Variants in ABLIM2 observed in about 807,000 individuals in gnomAD.
ABLIM2 encodes the protein actin binding LIM protein family member 2.
A neutral mutation model predicts 97.7 loss-of-function variants in ABLIM2; 53 were observed. The observed-to-expected ratio is 0.54, with a 90% CI of 0.44 to 0.68. The LOEUF is 0.68. Among genes scored for constraint, ABLIM2 ranks in the 30% least tolerant of loss-of-function variants. ABLIM2 has a pLI of 0.00. For missense variants in ABLIM2, 835 were observed against 867.2 expected (o/e 0.96, Z 0.47); for synonymous variants, 361 against 345.8 (o/e 1.04, Z -0.49).
intron 5 of ABLIM2, 105 bp downstream of exon 5, chr4:8,080,571 A>C: frequency 2.3e-6 from 3 of 1,283,820 alleles, no homozygotes; most frequent in Non-Finnish European, 3.1e-6. Context: ...GAGGAATAGG[A>C]GAGACACAGA....
chr4:8,063,824 C>T (rs551822373), intron 6 of ABLIM2, among the ~76,000 whole-genome samples: 4 of 152,342 alleles, frequency 2.6e-5, no homozygotes, highest in African/African-American at 7.2e-5. Context: ...TCCAAATACC[C>T]CCCTTGCCTT....
intron 7 of ABLIM2, among the ~76,000 whole-genome samples, chr4:8,056,114 A>T (rs1798955388): frequency 2.0e-5 from 1 of 50,988 alleles, no homozygotes; most frequent in Non-Finnish European, 4.5e-5. Flanking sequence ...CTCTGTCTCA[A>T]AAAAAAAAAA....
At position 8,020,275 on chromosome 4, in the gene ABLIM2, G is replaced by A; in HGVS notation, c.1296C>T (p.Ser432=). The change falls in exon 13 of 21, where the codon AGC becomes AGT. Residue 432 remains serine, a synonymous_variant. Transcript: ENST00000447017. ...RGSESGRSTP[S]LSVLSDSKPP... is the part of the protein sequence containing the mutation. ...GCTTGCTGTCAGAGAGCACGGAGAG[G>A]CTGGGGGTGCTCCGGCCACTTTCAC... The A allele has an allele frequency of 6.2e-7, 1 of 1,613,856 alleles. No individual in the cohort carries two copies. Among genetic ancestry groups the A allele is most frequent in the Non-Finnish European group, 8.5e-7 (1 of 1,179,874 alleles).
At chr4:8,073,969 C>T (rs1053156897) in intron 6 of ABLIM2, among the ~76,000 whole-genome samples, 2 of 151,836 alleles carry the variant, frequency 1.3e-5, no homozygotes, top group Non-Finnish European at 2.9e-5. Flanking sequence ...CGCCTGTAAT[C>T]CCAGCTACTT....
In ABLIM2 at chr4:8,004,765, G is replaced by T. The variant is rs1343048361; in HGVS notation, c.1618+3294C>A. On this transcript the variant is annotated intron_variant, in intron 16 of 20. Transcript: ENST00000447017. This position sits in a 1 kb window ranked among gnomAD's most constrained non-coding sequence, Gnocchi z 5.9. ...AGCCTCCCTTCCTGTGCAGAAATCAGGTGCACTGATAATATAAACTACTCT... is the reference window on the plus strand; with the variant it reads ...AGCCTCCCTTCCTGTGCAGAAATCATGTGCACTGATAATATAAACTACTCT... Among the ~76,000 whole-genome samples the T allele has an allele frequency of 6.6e-6, 1 of 152,134 alleles. No homozygotes were observed. The highest frequency in any genetic ancestry group is 1.5e-5 in the Non-Finnish European group (1 of 68,036).
intron 12 of ABLIM2, 65 bp downstream of exon 12, chr4:8,027,694 G>A (rs1778277530): frequency 4.6e-6 from 6 of 1,310,540 alleles, no homozygotes; most frequent in South Asian, 3.3e-5. Context: ...CATGGACAGC[G>A]AGCACACAGA....
At chr4:7,978,717 C>A (rs1735625223) in intron 20 of ABLIM2, among the ~76,000 whole-genome samples, 1 of 144,142 alleles carries the variant, frequency 6.9e-6, no homozygotes. Flanking sequence ...CCAGTGATAA[C>A]CATTTTACAA....
chr4:8,134,720 T>C lies in ABLIM2; in HGVS notation c.10+23960A>G, dbSNP rs373161694. Among the ~76,000 whole-genome samples the C allele has an allele frequency of 1.4e-4, 21 of 152,324 alleles. No homozygotes were observed. The East Asian group carries it at 2.5e-3, about 18-fold the overall frequency. ...TGGCAAATATTTAAAAGACTGACAG[T>C]GTCCTGAGCTGGGCTCGGAGGGACC... On this transcript the variant is annotated intron_variant, in intron 1 of 20. Coordinates refer to ENST00000447017, the MANE Select transcript of ABLIM2 (RefSeq NM_001130083.2).
chr4:8,033,105 C>G lies in ABLIM2; in HGVS notation c.1047+3044G>C, dbSNP rs116516751. On this transcript the variant is annotated intron_variant, in intron 10 of 20. Transcript: ENST00000447017. This position sits in a 1 kb window ranked among gnomAD's most constrained non-coding sequence, Gnocchi z 4.5. Reference sequence around the variant, plus strand: ...AGCAGAGACAGAGGGTGACCAGAAGCCTTTGGGTTGGAGACGGCTCTGCCG... The same window carrying G: ...AGCAGAGACAGAGGGTGACCAGAAGGCTTTGGGTTGGAGACGGCTCTGCCG... 8.4e-3 allele frequency among the ~76,000 whole-genome samples: 1,286 copies of G among 152,322 alleles called. 12 individuals are homozygous for G. Among genetic ancestry groups the G allele is most frequent in the African/African-American group, 0.029 (1,201 of 41,576 alleles).
Position 8,019,513 on chromosome 4 carries a change from C to A in ABLIM2, c.1423+105G>T. ...AGACTGCTAAGGGCCTTGGTGGTGC[C>A]TTCACTGCATTTATCAGAACACAAC... is the stretch of plus-strand genomic sequence containing the variant. On this transcript the variant is annotated intron_variant, in intron 14 of 20. Coordinates refer to ENST00000447017, the MANE Select transcript of ABLIM2 (RefSeq NM_001130083.2). This position sits in a 1 kb window ranked among gnomAD's most constrained non-coding sequence, Gnocchi z 4.3. 8.6e-7 allele frequency: 1 copy of A among 1,160,626 alleles called. No homozygotes were observed. The highest frequency in any genetic ancestry group is 1.2e-6 in the Non-Finnish European group (1 of 813,218). The allele number at this position is 1,160,626 out of a possible 1,614,324, so 71.9% of individuals were successfully genotyped here.
chr4:8,094,420 C>A (rs7674157), intron 3 of ABLIM2, among the ~76,000 whole-genome samples: 109,069 of 151,952 alleles, frequency 0.72, 40,337 homozygotes, highest in African/African-American at 0.91. Flanking sequence ...TCTCCAAGTG[C>A]GCAATTCCTG....
chr4:8,117,327 C>G (rs1027842851), intron 1 of ABLIM2, among the ~76,000 whole-genome samples: 3 of 152,168 alleles, frequency 2.0e-5, no homozygotes, highest in Admixed American at 1.3e-4. Flanking sequence ...CTGCGACTAA[C>G]CGATTTGCAG....
chr4:8,039,108 G>C (rs1786431585), intron 9 of ABLIM2, among the ~76,000 whole-genome samples: 1 of 152,164 alleles, frequency 6.6e-6, no homozygotes, highest in South Asian at 2.1e-4. Context: ...GTGGCTCCTA[G>C]AGGCCCAGGA....
At chr4:8,050,137 G>A (rs980043690) in intron 8 of ABLIM2, among the ~76,000 whole-genome samples, 1 of 152,138 alleles carries the variant, frequency 6.6e-6, no homozygotes, top group Admixed American at 6.5e-5. Context: ...TTGATGTCTC[G>A]TGTCTTCCTG....
intron 14 of ABLIM2, among the ~76,000 whole-genome samples, chr4:8,013,806 C>T (rs575264100): frequency 1.6e-4 from 25 of 152,194 alleles, no homozygotes; most frequent in African/African-American, 2.2e-4. Flanking sequence ...GGGAAAGGGC[C>T]GCATCTGATG....
intron 9 of ABLIM2, among the ~76,000 whole-genome samples, chr4:8,037,080 T>C (rs536606035): frequency 2.0e-5 from 3 of 152,352 alleles, no homozygotes; most frequent in East Asian, 3.9e-4. Flanking sequence ...GGTAAATCGA[T>C]GTTATACTGT....
chr4:8,127,943 C>T lies in ABLIM2; in HGVS notation c.11-21306G>A, dbSNP rs976375504. Reference sequence around the variant, plus strand: ...TGAGCTCACAACCCCCACAGCCCCGCGTGCTGGGAGTGACAGCCTGCACCA... The same window carrying T: ...TGAGCTCACAACCCCCACAGCCCCGTGTGCTGGGAGTGACAGCCTGCACCA... On this transcript the variant is annotated intron_variant, in intron 1 of 20. Coordinates refer to ENST00000447017, the MANE Select transcript of ABLIM2 (RefSeq NM_001130083.2). The surrounding 1 kb of genome is among the most constrained non-coding windows in gnomAD (Gnocchi z 7.3). 2.4e-4 allele frequency among the ~76,000 whole-genome samples: 36 copies of T among 152,282 alleles called. No individual in the cohort carries two copies. The highest frequency in any genetic ancestry group is 3.4e-4 in the Non-Finnish European group (23 of 68,024).
chr4:7,982,408 G>T (rs1165111953), intron 20 of ABLIM2, among the ~76,000 whole-genome samples: 1 of 152,232 alleles, frequency 6.6e-6, no homozygotes, highest in Non-Finnish European at 1.5e-5. Context: ...CAGGGCTCAG[G>T]AGATGAAACC....
In ABLIM2 at chr4:8,072,465, C is replaced by T. The variant is rs1366845837; in HGVS notation, c.675+5163G>A. The stretch of plus-strand genomic sequence containing the variant: ...GGCTGCTGCCCATGGGTGTCAGAAA[C>T]GCGGGGCAGGTGAGGCTCCTGCACC... On this transcript the variant is annotated intron_variant, in intron 6 of 20. Transcript: ENST00000447017. This position sits in a 1 kb window ranked among gnomAD's most constrained non-coding sequence, Gnocchi z 5.8. 6.6e-6 allele frequency among the ~76,000 whole-genome samples: 1 copy of T among 152,214 alleles called. No individual in the cohort carries two copies. Among genetic ancestry groups the T allele is most frequent in the Admixed American group, 6.5e-5 (1 of 15,282 alleles).
Sources: allele counts gnomAD v4.1 joint callset (sites outside exome capture counted in the v4.1 genomes callset), GRCh38; gene constraint gnomAD v4.1.1; non-coding constraint Gnocchi (gnomAD v3.1); transcripts MANE v1.5; gene names NCBI Gene and HGNC (gene_info 2026-07-23, HGNC 2026-07-21).